AXDND1: variants seen among roughly 807,000 people sequenced by gnomAD.
AXDND1 encodes the protein axonemal dynein light chain domain containing 1.
Under a neutral mutation model 137.5 loss-of-function variants are expected in AXDND1, and 110 were observed. That is an observed-to-expected ratio of 0.80 (90% CI 0.69 to 0.94). The LOEUF (loss-of-function observed/expected upper bound fraction) is 0.94, where lower values mean the gene tolerates loss of function less well. Ranked by LOEUF, AXDND1 falls within the 40% of genes least tolerant of loss-of-function variation. The pLI is 0.00. For missense variants in AXDND1, 1,191 were observed against 1,169.8 expected (o/e 1.02, Z -0.26); for synonymous variants, 414 against 399.7 (o/e 1.04, Z -0.43).
chr1:179,438,160 GTAAATAAA>G (rs913785216), intron 15 of AXDND1, among the ~76,000 whole-genome samples: 2 of 36,150 alleles, frequency 5.5e-5, no homozygotes, highest in Non-Finnish European at 1.4e-4. Context: ...TCAAAAATAA[GTAAATAAA>G]TAAATAAATA....
chr1:179,507,289 G>A (rs1370039554), intron 20 of AXDND1, among the ~76,000 whole-genome samples: 1 of 152,106 alleles, frequency 6.6e-6, no homozygotes, highest in African/African-American at 2.4e-5. Context: ...GAACTCTATA[G>A]ATTATTGTAA....
At chr1:179,376,078 CT>C (rs1487279229) in intron 4 of AXDND1, among the ~76,000 whole-genome samples, 1 of 152,162 alleles carries the variant, frequency 6.6e-6, no homozygotes, top group Non-Finnish European at 1.5e-5. Flanking sequence ...TATAGTCATT[CT>C]AAAATAATTT....
At chr1:179,441,611 A>G (rs1011976384) in intron 15 of AXDND1, among the ~76,000 whole-genome samples, 1 of 152,246 alleles carries the variant, frequency 6.6e-6, no homozygotes, top group African/African-American at 2.4e-5. Context: ...TCTTGCAAGT[A>G]CTTGCACATA....
chr1:179,418,699 GGCTGGCCGGGC>G (rs936440707), intron 12 of AXDND1, among the ~76,000 whole-genome samples: 5 of 151,484 alleles, frequency 3.3e-5, no homozygotes, highest in Non-Finnish European at 5.9e-5. Context: ...CGGACGGGGC[GGCTGGCCGGGC>G]GGGGGGCTGA....
At chr1:179,372,777 G>C (rs1363778702) in intron 4 of AXDND1, among the ~76,000 whole-genome samples, 1 of 151,944 alleles carries the variant, frequency 6.6e-6, no homozygotes, top group Admixed American at 6.6e-5. Context: ...TCTGCCTCCC[G>C]GGTTCAAGTG....
rs545021644 is a variant in AXDND1, at chr1:179,532,975, G to T, written c.2716-820G>T. The T allele has an allele frequency of 2.0e-5, 3 of 152,078 alleles. No individual in the cohort carries two copies. The South Asian group carries it at 6.2e-4, about 32-fold the overall frequency. The allele number at this position is 152,078 out of a possible 1,614,324, so 9.4% of individuals were successfully genotyped here. On this transcript the variant is annotated intron_variant, in intron 23 of 25. Transcript: ENST00000367618. ...CAGGTTCTTTTCTCTTTTAGAAAAAGGTATAGTGGTATGATGGGATGTGTG... is the reference window on the plus strand; with the variant it reads ...CAGGTTCTTTTCTCTTTTAGAAAAATGTATAGTGGTATGATGGGATGTGTG...
Position 179,379,516 on chromosome 1 carries a change from C to T in AXDND1, c.581+34C>T, listed in dbSNP as rs746667161. On this transcript the variant is annotated intron_variant, in intron 6 of 25. Transcript: ENST00000367618. ...TATGATATGTAAAAAATACCTGCCC[C>T]AGCTCGGTGGCCCATGCCTGTAATC... is the stretch of plus-strand genomic sequence containing the variant. 3.7e-6 allele frequency: 6 copies of T among 1,605,908 alleles called. No homozygotes were observed. The South Asian group carries it at 5.6e-5, about 15-fold the overall frequency.
At chr1:179,391,438 G>T (rs966317770) in intron 9 of AXDND1, among the ~76,000 whole-genome samples, 1 of 152,080 alleles carries the variant, frequency 6.6e-6, no homozygotes, top group Non-Finnish European at 1.5e-5. Flanking sequence ...GGTAGAGATG[G>T]TTGAGTCATG....
chr1:179,485,617 C>T (rs1665947077), intron 18 of AXDND1, among the ~76,000 whole-genome samples: 1 of 152,174 alleles, frequency 6.6e-6, no homozygotes, highest in African/African-American at 2.4e-5. Flanking sequence ...AGAACTCTGG[C>T]AACTCAAGAA....
chr1:179,431,143 T>A (rs995548088), intron 14 of AXDND1, among the ~76,000 whole-genome samples: 67 of 152,046 alleles, frequency 4.4e-4, no homozygotes, highest in African/African-American at 1.3e-3. Context: ...TTTTTAAATT[T>A]AATTTTATTT....
intron 14 of AXDND1, 57 bp from the exon 15 acceptor site, chr1:179,432,210 T>C: frequency 6.8e-7 from 1 of 1,473,306 alleles, no homozygotes; most frequent in East Asian, 2.6e-5. Context: ...TGTGAACTGA[T>C]GATCTTGTTT....
At chr1:179,552,709 G>A (rs1170673493) in intron 25 of AXDND1, 2 of 1,580,654 alleles carry the variant, frequency 1.3e-6, no homozygotes, top group South Asian at 1.1e-5. Flanking sequence ...CAGGTATGTA[G>A]GTGTGCAGCC....
chr1:179,480,054 C>T (rs945332368), intron 17 of AXDND1, among the ~76,000 whole-genome samples: 11 of 152,128 alleles, frequency 7.2e-5, no homozygotes. Flanking sequence ...CCACATTTTC[C>T]TGTCTTCTTC....
At chr1:179,368,712 C>A in intron 2 of AXDND1, 88 bp from the exon 3 acceptor site, 1 of 1,044,924 alleles carries the variant, frequency 9.6e-7, no homozygotes, top group Non-Finnish European at 1.4e-6. Flanking sequence ...CTGTTAGAAA[C>A]AGATGGGATT....
chr1:179,466,094 C>T (rs1663129569), intron 16 of AXDND1, among the ~76,000 whole-genome samples: 1 of 152,172 alleles, frequency 6.6e-6, no homozygotes, highest in African/African-American at 2.4e-5. Flanking sequence ...CCCCGCCCTG[C>T]TTCAGCTCAC....
At chr1:179,488,657 T>C (rs753952313) in intron 18 of AXDND1, among the ~76,000 whole-genome samples, 2,706 of 107,160 alleles carry the variant, frequency 0.025, 239 homozygotes, top group Middle Eastern at 0.066. Context: ...CTTTCTTTCT[T>C]TCTTTCTTTC....
At chr1:179,477,086 A>G (rs1430672372) in intron 17 of AXDND1, among the ~76,000 whole-genome samples, 1 of 151,908 alleles carries the variant, frequency 6.6e-6, no homozygotes, top group Non-Finnish European at 1.5e-5. Context: ...TTCAAGTTCA[A>G]TTCTTCTCTC....
At chr1:179,491,485 A>G in intron 18 of AXDND1, 53 bp from the exon 19 acceptor site, 1 of 1,217,562 alleles carries the variant, frequency 8.2e-7, no homozygotes. Context: ...TGTGATTTTT[A>G]CTGTTTGATT....
chr1:179,478,293 G>A (rs1664879613), intron 17 of AXDND1, among the ~76,000 whole-genome samples: 1 of 152,224 alleles, frequency 6.6e-6, no homozygotes. Flanking sequence ...CTTCTGCACT[G>A]CCCTAGCAGA....
Sources: gnomAD v4.1 joint callset for allele counts (sites outside exome capture counted in the v4.1 genomes callset) on GRCh38, gnomAD v4.1.1 for gene constraint, MANE v1.5 for transcripts, NCBI Gene and HGNC (gene_info 2026-07-23, HGNC 2026-07-21) for gene names.